KCNH8: variants seen among roughly 807,000 people sequenced by gnomAD.
KCNH8 encodes potassium voltage-gated channel subfamily H member 8.
Under a neutral mutation model 103.6 loss-of-function variants are expected in KCNH8, and 70 were observed. The ratio of observed to expected loss-of-function variants is 0.68; its 90% confidence interval spans 0.56 to 0.82. KCNH8 has a LOEUF of 0.82. Ranked by LOEUF, KCNH8 falls within the 40% of genes least tolerant of loss-of-function variation. The probability of loss-of-function intolerance (pLI) is 0.00; values close to 1 mark genes in which losing one functional copy is unlikely to be tolerated. For synonymous variants in KCNH8, 498 were observed against 489.4 expected (o/e 1.02, Z -0.23); for missense variants, 1,217 against 1,329.9 (o/e 0.92, Z 1.32).
At chr3:19,475,633 C>T (rs1242145478) in intron 11 of KCNH8, among the ~76,000 whole-genome samples, 1 of 152,136 alleles carries the variant, frequency 6.6e-6, no homozygotes, top group Non-Finnish European at 1.5e-5. Context: ...ATATAAAATA[C>T]ACGAGACTGT....
chr3:19,355,370 A>G (rs1452833050), intron 5 of KCNH8, among the ~76,000 whole-genome samples: 2 of 152,226 alleles, frequency 1.3e-5, no homozygotes, highest in Non-Finnish European at 2.9e-5. Flanking sequence ...TGACCCAGCC[A>G]TCCCATTACT....
intron 1 of KCNH8, among the ~76,000 whole-genome samples, chr3:19,232,686 C>T (rs540864953): frequency 6.6e-6 from 1 of 152,202 alleles, no homozygotes; most frequent in African/African-American, 2.4e-5. Context: ...GCACAAATGC[C>T]CAACCTGGGA....
chr3:19,162,310 G>A (rs1196617285), intron 1 of KCNH8, among the ~76,000 whole-genome samples: 9 of 148,888 alleles, frequency 6.0e-5, no homozygotes, highest in Admixed American at 4.7e-4. Flanking sequence ...CCAGGAGTTC[G>A]AGACCAGCCT....
At chr3:19,308,825 T>C (rs1402043161) in intron 3 of KCNH8, among the ~76,000 whole-genome samples, 3 of 144,070 alleles carry the variant, frequency 2.1e-5, no homozygotes, top group East Asian at 2.2e-4. Context: ...TCTCTCTCTC[T>C]CCCCTCCTCC....
intron 3 of KCNH8, among the ~76,000 whole-genome samples, chr3:19,312,817 A>G (rs2065223348): frequency 6.6e-6 from 1 of 151,938 alleles, no homozygotes; most frequent in Non-Finnish European, 1.5e-5. Flanking sequence ...TAGATGTTCT[A>G]CAAGATTTCT....
intron 8 of KCNH8, among the ~76,000 whole-genome samples, chr3:19,442,047 G>A (rs1051490792): frequency 6.6e-6 from 1 of 152,200 alleles, no homozygotes; most frequent in African/African-American, 2.4e-5. Flanking sequence ...TGGAAAGACA[G>A]TGCCATGGCA....
intron 2 of KCNH8, among the ~76,000 whole-genome samples, chr3:19,278,119 G>A (rs535739090): frequency 3.8e-4 from 58 of 152,138 alleles, no homozygotes; most frequent in Non-Finnish European, 7.5e-4. Context: ...GCATTCATAA[G>A]AGGTGAAAGG....
intron 1 of KCNH8, among the ~76,000 whole-genome samples, chr3:19,245,478 A>G (rs1159966063): frequency 2.6e-5 from 4 of 152,114 alleles, no homozygotes; most frequent in Non-Finnish European, 5.9e-5. Flanking sequence ...AGAATATTTT[A>G]TTCTAATTCT....
intron 7 of KCNH8, 106 bp from the exon 8 acceptor site, chr3:19,438,058 T>C: frequency 1.1e-6 from 1 of 873,344 alleles, no homozygotes; most frequent in Non-Finnish European, 1.8e-6. Flanking sequence ...CTTCTTCCTC[T>C]GAGCAAATTA....
At chr3:19,372,954 A>T (rs1388900590) in intron 5 of KCNH8, among the ~76,000 whole-genome samples, 1 of 151,926 alleles carries the variant, frequency 6.6e-6, no homozygotes, top group Non-Finnish European at 1.5e-5. Context: ...CATCCCAGGG[A>T]TGAAGCCCAC....
intron 3 of KCNH8, among the ~76,000 whole-genome samples, chr3:19,309,930 C>T (rs1420481009): frequency 6.6e-6 from 1 of 151,912 alleles, no homozygotes; most frequent in Admixed American, 6.6e-5. Flanking sequence ...CCTCTCCCAT[C>T]ATCTCTGTGT....
At chr3:19,182,830 A>G (rs1461071429) in intron 1 of KCNH8, among the ~76,000 whole-genome samples, 1 of 152,222 alleles carries the variant, frequency 6.6e-6, no homozygotes, top group Non-Finnish European at 1.5e-5. Flanking sequence ...GTCGGCCAAC[A>G]CACAACTATT....
intron 15 of KCNH8, among the ~76,000 whole-genome samples, chr3:19,530,891 T>G (rs1440643357): frequency 3.9e-5 from 6 of 152,238 alleles, no homozygotes; most frequent in African/African-American, 1.2e-4. Context: ...AAATGTCCTT[T>G]CACCTCTGAG....
Position 19,177,986 on chromosome 3 carries a change from T to C in KCNH8, c.76+29191T>C, listed in dbSNP as rs924048602. ...GGTGATGCTTTGCTTCACTTTTTTT[T>C]CTTAATATTAAAGTCAGTGGAACAT... On this transcript the variant is annotated intron_variant, in intron 1 of 15. Transcript: ENST00000328405. Among the ~76,000 whole-genome samples the C allele has an allele frequency of 9.9e-5, 15 of 152,250 alleles. 2 individuals are homozygous for C. Among genetic ancestry groups the C allele is most frequent in the Admixed American group, 5.2e-4 (8 of 15,294 alleles).
intron 15 of KCNH8, among the ~76,000 whole-genome samples, chr3:19,531,108 TA>T (rs1239583173): frequency 1.6e-4 from 24 of 152,230 alleles, no homozygotes; most frequent in Non-Finnish European, 3.2e-4. Flanking sequence ...TAATTCTCAA[TA>T]AAAGGTCAAT....
At chr3:19,493,326 A>T (rs2068367119) in intron 11 of KCNH8, among the ~76,000 whole-genome samples, 1 of 152,146 alleles carries the variant, frequency 6.6e-6, no homozygotes, top group South Asian at 2.1e-4. Context: ...ATCTCATCTT[A>T]AATTGTAATC....
intron 1 of KCNH8, among the ~76,000 whole-genome samples, chr3:19,229,662 T>A (rs2063970887): frequency 6.6e-6 from 1 of 152,230 alleles, no homozygotes; most frequent in Non-Finnish European, 1.5e-5. Flanking sequence ...TGACATGCCC[T>A]GGAGACATTT....
chr3:19,416,853 GTTTC>G (rs1559317564), intron 7 of KCNH8, among the ~76,000 whole-genome samples: 1 of 152,062 alleles, frequency 6.6e-6, no homozygotes, highest in Non-Finnish European at 1.5e-5. Flanking sequence ...TAAAGCTTAA[GTTTC>G]TTTGTTATTC....
At position 19,225,663 on chromosome 3, in the gene KCNH8, G is replaced by A. The variant is rs563309256; in HGVS notation, c.77-27991G>A. Among the ~76,000 whole-genome samples the A allele has an allele frequency of 8.1e-4, 123 of 152,198 alleles. 1 individual carries two copies. Among genetic ancestry groups the A allele is most frequent in the African/African-American group, 2.8e-3 (116 of 41,528 alleles). On this transcript the variant is annotated intron_variant, in intron 1 of 15. Transcript: ENST00000328405. Reference sequence around the variant, plus strand: ...CTCACTCCATGACTTGTGGAAGGTGGTACGTTTTGTTCATGTGAACTTGAC... The same window carrying A: ...CTCACTCCATGACTTGTGGAAGGTGATACGTTTTGTTCATGTGAACTTGAC...
Sources: gnomAD v4.1 joint callset for allele counts (sites outside exome capture counted in the v4.1 genomes callset) on GRCh38, gnomAD v4.1.1 for gene constraint, MANE v1.5 for transcripts, NCBI Gene and HGNC (gene_info 2026-07-23, HGNC 2026-07-21) for gene names.